Variants in SYNJ2 observed in about 807,000 individuals in gnomAD.
SYNJ2 encodes the protein polyphosphatidylinositol phosphatase SYNJ2.
Under a neutral mutation model 141.3 loss-of-function variants are expected in SYNJ2, and 116 were observed. That is an observed-to-expected ratio of 0.82 (90% CI 0.71 to 0.96). The LOEUF is 0.96. Among genes scored for constraint, SYNJ2 ranks in the 40% least tolerant of loss-of-function variants. The pLI, the probability that SYNJ2 is intolerant of heterozygous loss-of-function variation, is 0.00. For missense variants in SYNJ2, 1,873 were observed against 1,934.8 expected, an observed-to-expected ratio of 0.97 and a Z score of 0.60; for synonymous variants, 745 against 777.7, an observed-to-expected ratio of 0.96 and a Z score of 0.70.
chr6:158,088,923 G>A (rs1783257724), intron 24 of SYNJ2, 151 bp downstream of exon 24: 2 of 606,434 alleles, frequency 3.3e-6, no homozygotes, highest in African/African-American at 1.9e-5. Context: ...TTCCTCGCAG[G>A]TTCTCCATAG....
In SYNJ2 at chr6:158,095,627, C is replaced by T. The variant is rs945359262; in HGVS notation, c.3754C>T (p.Pro1252Ser). The change falls in exon 27 of 27, where the codon CCG becomes TCG. Residue 1252 changes from proline (P) to serine (S), a missense_variant. Pro to Ser is a moderately conservative substitution (Grantham distance 74, BLOSUM62 -1). Transcript: ENST00000355585. ...TLRRTGKPLS[P>S]EEQFEQQTVH... ...TCCCACCTTTTCTCAGCCCCTGTCA[C>T]CGGAAGAACAGTTTGAGCAACAGAC... 8 of 1,597,908 alleles carry T rather than the reference C, an allele frequency of 5.0e-6. No individual in the cohort carries two copies. Among genetic ancestry groups the T allele is most frequent in the Non-Finnish European group, 6.8e-6 (8 of 1,173,194 alleles).
At chr6:158,057,714 G>T (rs1342702230) in intron 6 of SYNJ2, among the ~76,000 whole-genome samples, 3 of 152,256 alleles carry the variant, frequency 2.0e-5, no homozygotes, top group Non-Finnish European at 4.4e-5. Flanking sequence ...TCAGAAATGG[G>T]CCTTGTTTCC....
At chr6:158,083,885 G>GC (rs1464071434) in intron 21 of SYNJ2, 116 bp from the exon 22 acceptor site, 1 of 1,235,260 alleles carries the variant, frequency 8.1e-7, no homozygotes, top group East Asian at 2.3e-5. Flanking sequence ...TGGGCCCTGA[G>GC]CTGCAGGGCA....
intron 1 of SYNJ2, among the ~76,000 whole-genome samples, chr6:157,986,309 G>A (rs938209429): frequency 6.6e-6 from 1 of 152,182 alleles, no homozygotes. Context: ...TTTACAAAAT[G>A]CAAACTGGGA....
At position 158,096,077 on chromosome 6, in the gene SYNJ2, C is replaced by T; in HGVS notation, c.4204C>T (p.Pro1402Ser). The T allele has an allele frequency of 6.2e-7, 1 of 1,614,256 alleles. No homozygotes were observed. The highest frequency in any genetic ancestry group is 8.5e-7 in the Non-Finnish European group (1 of 1,180,040). ...PDSDGTKAMK[P>S]EAAPLLGDYQ... is the part of the protein sequence containing the mutation. The stretch of plus-strand genomic sequence containing the variant: ...CAGCGATGGCACCAAAGCGATGAAG[C>T]CAGAGGCAGCCCCACTTCTTGGTGA... The change falls in exon 27 of 27, where the codon CCA (proline) becomes TCA (serine). Residue 1402 changes from proline (P) to serine (S), a missense_variant. Physicochemically the swap from Pro to Ser is moderately conservative, Grantham distance 74 (BLOSUM62 -1). Transcript: ENST00000355585.
chr6:158,059,601 C>G (rs1699471953), intron 7 of SYNJ2: 1 of 1,185,602 alleles, frequency 8.4e-7, no homozygotes, highest in African/African-American at 1.6e-5. Flanking sequence ...GTCGCTCAGG[C>G]TGGAGTGCAG....
At chr6:158,090,650 A>G (rs1423637585) in intron 25 of SYNJ2, among the ~76,000 whole-genome samples, 1 of 151,136 alleles carries the variant, frequency 6.6e-6, no homozygotes, top group African/African-American at 2.4e-5. Flanking sequence ...GTTCGAGCAA[A>G]TATCCTGCCT....
intron 4 of SYNJ2, among the ~76,000 whole-genome samples, chr6:158,039,185 C>T (rs192010148): frequency 9.1e-4 from 138 of 152,362 alleles, no homozygotes; most frequent in Non-Finnish European, 1.6e-3. Context: ...GTTTATGTCA[C>T]TTTATAGCAG....
chr6:158,028,203 C>A, intron 2 of SYNJ2: 1 of 158,526 alleles, frequency 6.3e-6, no homozygotes, highest in Non-Finnish European at 1.4e-5. Context: ...TGTCGTAGTC[C>A]TGCAGGGAGT....
At chr6:157,985,902 G>A (rs1777183516) in intron 1 of SYNJ2, among the ~76,000 whole-genome samples, 2 of 152,154 alleles carry the variant, frequency 1.3e-5, no homozygotes, top group Non-Finnish European at 2.9e-5. Context: ...CTTCTGGGGG[G>A]AAAGGTTCTG....
intron 5 of SYNJ2, among the ~76,000 whole-genome samples, 192 bp from the exon 6 acceptor site, chr6:158,054,775 A>C (rs956641475): frequency 3.3e-5 from 5 of 152,218 alleles, no homozygotes; most frequent in South Asian, 4.1e-4. Flanking sequence ...CGAGGCACCT[A>C]GACCTGAGTT....
At chr6:158,042,852 G>T (rs1195088940) in intron 4 of SYNJ2, among the ~76,000 whole-genome samples, 1 of 152,194 alleles carries the variant, frequency 6.6e-6, no homozygotes, top group African/African-American at 2.4e-5. Flanking sequence ...AGTCAGTGAG[G>T]TCTTTTGGCT....
chr6:158,073,369 T>C (rs1298435275), intron 15 of SYNJ2, among the ~76,000 whole-genome samples: 1 of 151,918 alleles, frequency 6.6e-6, no homozygotes, highest in Non-Finnish European at 1.5e-5. Flanking sequence ...AACTAGTTTT[T>C]GTATTTTTAG....
chr6:158,003,220 T>G (rs1446863854), intron 1 of SYNJ2, among the ~76,000 whole-genome samples: 1 of 152,220 alleles, frequency 6.6e-6, no homozygotes, highest in Non-Finnish European at 1.5e-5. Context: ...TCATGTGGCC[T>G]GGACTTTTTG....
chr6:158,074,427 T>G (rs543204778), intron 15 of SYNJ2, among the ~76,000 whole-genome samples, 153 bp from the exon 16 acceptor site: 48 of 152,304 alleles, frequency 3.2e-4, no homozygotes, highest in Middle Eastern at 3.4e-3. Context: ...ATGGGATGAG[T>G]GAAAAACAAG....
At position 158,062,127 on chromosome 6, in the gene SYNJ2, T is replaced by G. The variant is rs980255176; in HGVS notation, c.1090T>G (p.Phe364Val). 28 of 1,613,866 alleles carry G rather than the reference T, an allele frequency of 1.7e-5. 2 individuals carry two copies. The Middle Eastern group carries it at 2.8e-3, about 162-fold the overall frequency. Residue 364 changes from phenylalanine (F) to valine (V), a missense_variant, in exon 8 of 27, where the codon TTC becomes GTC. Transcript: ENST00000355585. ...RPQLKLHWED[F>V]DVFTKGENVS... Reference sequence around the variant, plus strand: ...ACAGTTAAAGCTGCACTGGGAAGACTTCGATGTGTTCACAAAGGGGGAGAA... The same window carrying G: ...ACAGTTAAAGCTGCACTGGGAAGACGTCGATGTGTTCACAAAGGGGGAGAA...
chr6:158,081,571 C>T, intron 20 of SYNJ2, 61 bp downstream of exon 20: 1 of 961,214 alleles, frequency 1.0e-6, no homozygotes, highest in Non-Finnish European at 1.6e-6. Flanking sequence ...TTTATGTGGG[C>T]ATGTCTTCTT....
At chr6:158,083,909 C>T (rs1243804941) in intron 21 of SYNJ2, 92 bp from the exon 22 acceptor site, 1 of 1,453,478 alleles carries the variant, frequency 6.9e-7, no homozygotes, top group Non-Finnish European at 9.7e-7. Flanking sequence ...TGCACGTGTC[C>T]TGACAGGAGC....
At chr6:158,087,085 C>T (rs781007415) in intron 23 of SYNJ2, 96 bp downstream of exon 23, 23 of 1,423,490 alleles carry the variant, frequency 1.6e-5, no homozygotes, top group East Asian at 7.1e-5. Flanking sequence ...CACTTCTCCC[C>T]GGCCTTCCGG....
Sources: allele counts gnomAD v4.1 joint callset (sites outside exome capture counted in the v4.1 genomes callset), GRCh38; gene constraint gnomAD v4.1.1; transcripts MANE v1.5; gene names NCBI Gene and HGNC (gene_info 2026-07-23, HGNC 2026-07-21).